Variants in C1orf21 observed in about 807,000 individuals in gnomAD.
C1orf21 encodes the protein chromosome 1 open reading frame 21, also known as uncharacterized protein C1orf21.
C1orf21 carries 3 observed loss-of-function variants against 18.7 expected under a neutral mutation model. That is an observed-to-expected ratio of 0.16 (90% confidence interval 0.07 to 0.42). C1orf21 has a LOEUF of 0.42. C1orf21 is among the 10% of genes least tolerant of loss of function. C1orf21 has a pLI of 0.99. For synonymous variants in C1orf21, 41 were observed against 46.4 expected, an observed-to-expected ratio of 0.88 and a Z score of 0.47; for missense variants, 104 against 143.6, an observed-to-expected ratio of 0.72 and a Z score of 1.41.
chr1:184,456,432 T>G (rs549269498), intron 1 of C1orf21, among the ~76,000 whole-genome samples: 6 of 152,332 alleles, frequency 3.9e-5, no homozygotes, highest in African/African-American at 1.4e-4. Flanking sequence ...AACTTCCTCT[T>G]TAATTAACCA....
intron 1 of C1orf21, among the ~76,000 whole-genome samples, chr1:184,419,938 G>A (rs1365119053): frequency 6.6e-6 from 1 of 152,174 alleles, no homozygotes; most frequent in Non-Finnish European, 1.5e-5. Flanking sequence ...AAGGTGAAGG[G>A]TTTCTAACAG....
At chr1:184,567,367 C>G in intron 3 of C1orf21, 1 of 487,236 alleles carries the variant, frequency 2.1e-6, no homozygotes, top group Non-Finnish European at 4.1e-6. Context: ...ATCAGTCCAC[C>G]TACCAGCTCT....
intron 5 of C1orf21, among the ~76,000 whole-genome samples, chr1:184,613,563 TATG>T (rs1481841519): frequency 2.0e-5 from 3 of 152,170 alleles, no homozygotes; most frequent in Non-Finnish European, 4.4e-5. Context: ...CATCTTCCAT[TATG>T]ATGTGCAAAA....
intron 3 of C1orf21, among the ~76,000 whole-genome samples, chr1:184,541,046 C>A (rs1211035568): frequency 1.3e-5 from 2 of 152,114 alleles, no homozygotes; most frequent in Admixed American, 1.3e-4. Flanking sequence ...TAACAATCAT[C>A]ATTTACCTGA....
chr1:184,403,673 G>A (rs564111780), intron 1 of C1orf21, among the ~76,000 whole-genome samples: 8 of 152,302 alleles, frequency 5.3e-5, no homozygotes, highest in South Asian at 4.2e-4. Flanking sequence ...TAGGCTAACC[G>A]AAACTCAGAT....
intron 3 of C1orf21, among the ~76,000 whole-genome samples, chr1:184,575,033 GGGCTCAACACACCACTTTAAA>G (rs1659167811): frequency 6.6e-6 from 1 of 152,092 alleles, no homozygotes; most frequent in Non-Finnish European, 1.5e-5. Context: ...AAGAAACTCG[GGGCTCAACACACCACTTTAAA>G]GGACTACAGG....
At chr1:184,494,768 G>T (rs1557986358) in intron 2 of C1orf21, among the ~76,000 whole-genome samples, 1 of 151,984 alleles carries the variant, frequency 6.6e-6, no homozygotes, top group Non-Finnish European at 1.5e-5. Flanking sequence ...TTTGAAAATT[G>T]TGAAAGCAAA....
chr1:184,499,739 C>T (rs897449825), intron 2 of C1orf21, among the ~76,000 whole-genome samples: 6 of 151,880 alleles, frequency 4.0e-5, no homozygotes, highest in Admixed American at 2.6e-4. Context: ...GGATTTGAGC[C>T]CAGCACTACC....
At chr1:184,496,392 C>T (rs1028491222) in intron 2 of C1orf21, among the ~76,000 whole-genome samples, 1 of 152,172 alleles carries the variant, frequency 6.6e-6, no homozygotes, top group African/African-American at 2.4e-5. Context: ...GCAATTCTTG[C>T]CCTACTGCTT....
At chr1:184,405,834 C>T (rs1397883546) in intron 1 of C1orf21, among the ~76,000 whole-genome samples, 1 of 152,070 alleles carries the variant, frequency 6.6e-6, no homozygotes, top group Non-Finnish European at 1.5e-5. Context: ...TTTCCAGGGA[C>T]TGAAGTGACA....
At chr1:184,521,107 G>A (rs1658300071) in intron 3 of C1orf21, among the ~76,000 whole-genome samples, 1 of 152,090 alleles carries the variant, frequency 6.6e-6, no homozygotes, top group African/African-American at 2.4e-5. Flanking sequence ...TGCTCAGGCT[G>A]GTCTCGAACT....
intron 3 of C1orf21, chr1:184,566,444 C>G: frequency 4.6e-6 from 1 of 216,688 alleles, no homozygotes; most frequent in South Asian, 8.8e-5. Flanking sequence ...CAGTCCAGAG[C>G]GCGCCATATA....
At chr1:184,397,540 C>A (rs11584402) in intron 1 of C1orf21, among the ~76,000 whole-genome samples, 1 of 151,574 alleles carries the variant, frequency 6.6e-6, no homozygotes, top group Non-Finnish European at 1.5e-5. Context: ...GAGCCAAGAT[C>A]GCGCTACTGC....
chr1:184,567,837 C>T (rs138589686), intron 3 of C1orf21: 2,935 of 217,428 alleles, frequency 0.013, 37 homozygotes, highest in Middle Eastern at 0.024. Context: ...CTGCAAGCCC[C>T]GTGATGAAAC....
chr1:184,529,017 G>A (rs1455955212), intron 3 of C1orf21, among the ~76,000 whole-genome samples: 1 of 152,060 alleles, frequency 6.6e-6, no homozygotes, highest in Non-Finnish European at 1.5e-5. Flanking sequence ...AGTATATGGA[G>A]ATTGCCAATT....
intron 2 of C1orf21, among the ~76,000 whole-genome samples, chr1:184,486,547 A>G (rs1461240709): frequency 6.6e-6 from 1 of 151,438 alleles, no homozygotes; most frequent in African/African-American, 2.4e-5. Flanking sequence ...CCACCTCTTC[A>G]CTCTCCTCCC....
chr1:184,413,177 T>G (rs1345695420), intron 1 of C1orf21, among the ~76,000 whole-genome samples: 2 of 152,252 alleles, frequency 1.3e-5, no homozygotes, highest in African/African-American at 4.8e-5. Flanking sequence ...GTGTCCACCA[T>G]GAAGTTTCTT....
chr1:184,470,375 AAGG>A (rs1309602360), intron 1 of C1orf21, among the ~76,000 whole-genome samples: 3 of 152,088 alleles, frequency 2.0e-5, no homozygotes, highest in Admixed American at 6.5e-5. Context: ...CCAGAAAAAA[AAGG>A]GGGAAAACAG....
chr1:184,498,175 GC>G (rs1657921406), intron 2 of C1orf21, among the ~76,000 whole-genome samples: 1 of 152,216 alleles, frequency 6.6e-6, no homozygotes, highest in Non-Finnish European at 1.5e-5. Context: ...CTGGCCAAAG[GC>G]AGCTCTCCTC....
Sources: allele counts gnomAD v4.1 joint callset (sites outside exome capture counted in the v4.1 genomes callset), GRCh38; gene constraint gnomAD v4.1.1; transcripts MANE v1.5; gene names NCBI Gene and HGNC (gene_info 2026-07-23, HGNC 2026-07-21).